Variants in CD226 observed in about 807,000 individuals in gnomAD.
CD226 encodes the protein CD226 molecule.
A neutral mutation model predicts 34.9 loss-of-function variants in CD226; 24 were observed. The observed-to-expected ratio is 0.69, with a 90% CI of 0.50 to 0.97. The LOEUF is 0.97. CD226 is among the 50% of genes least tolerant of loss of function. The pLI is 0.00. For missense variants in CD226, 397 were observed against 412.7 expected (o/e 0.96, Z 0.33); for synonymous variants, 148 against 147.4 (o/e 1.00, Z -0.03).
chr18:69,952,026 A>G (rs1242954486), upstream of CD226, among the ~76,000 whole-genome samples: 1 of 152,200 alleles, frequency 6.6e-6, no homozygotes, highest in Non-Finnish European at 1.5e-5. Flanking sequence ...AATCAACCTA[A>G]GTGCCCATCA....
rs540784584 is a variant in CD226, at chr18:69,937,947, CTT to C, written c.382+8785_382+8786del. On this transcript the variant is annotated intron_variant, in intron 2 of 5. Coordinates refer to ENST00000582621, the MANE Select transcript of CD226 (RefSeq NM_001303618.2). ...AGATATATACAAGAATGAAAGAAAA[CTT>C]TGGCTGCTATGTCAGCTGCTGGGAA... is the stretch of plus-strand genomic sequence containing the variant. 7.9e-5 allele frequency among the ~76,000 whole-genome samples: 12 copies of C among 152,246 alleles called. No homozygotes were observed. The South Asian group carries it at 1.9e-3, about 24-fold the overall frequency.
chr18:69,929,061 C>A (rs2055557745), intron 2 of CD226, among the ~76,000 whole-genome samples: 1 of 152,138 alleles, frequency 6.6e-6, no homozygotes, highest in Non-Finnish European at 1.5e-5. Flanking sequence ...TGGAAATGAC[C>A]AGAGCCAAAG....
chr18:69,872,294 A>G (rs1378768848), intron 4 of CD226, among the ~76,000 whole-genome samples: 1 of 152,220 alleles, frequency 6.6e-6, no homozygotes, highest in Non-Finnish European at 1.5e-5. Context: ...TACAGCAGAT[A>G]TGTAACAAAT....
rs186481580 is a variant in CD226 at position 69,855,461 on chromosome 18, A to G, written c.*8853T>C. The G allele has an allele frequency of 3.9e-5, 6 of 152,338 alleles. No individual in the cohort carries two copies. Among genetic ancestry groups the G allele is most frequent in the African/African-American group, 1.4e-4 (6 of 41,590 alleles). The allele number at this position is 152,338 out of a possible 1,614,324, so 9.4% of individuals were successfully genotyped here. ...GGCCAATAGAAACTTTTCAAACTAA[A>G]ATTCAAAGAGTGGGAAAAACCCAGA... On this transcript the variant is annotated 3_prime_UTR_variant, in exon 6 of 6. Coordinates refer to ENST00000582621, the MANE Select transcript of CD226 (RefSeq NM_001303618.2).
chr18:69,858,186 CAATTT>C lies in CD226; in HGVS notation c.*6123_*6127del, dbSNP rs951353608. On this transcript the variant is annotated 3_prime_UTR_variant, in exon 6 of 6. Transcript: ENST00000582621. ...TAACTGTATTTATTTGTTTTTTCAG[CAATTT>C]ATTTTAAAACAATCTTGGATATATT... 23 of 152,050 alleles carry C rather than the reference CAATTT, an allele frequency of 1.5e-4. No individual in the cohort carries two copies. The highest frequency in any genetic ancestry group is 5.6e-4 in the African/African-American group (23 of 41,394). 9.4% of individuals were successfully genotyped at this position (152,050 alleles called of 1,614,324 possible).
intron 2 of CD226, among the ~76,000 whole-genome samples, chr18:69,913,389 TA>T (rs2055349566): frequency 6.6e-6 from 1 of 152,232 alleles, no homozygotes; most frequent in East Asian, 1.9e-4. Flanking sequence ...TGGGATTATT[TA>T]AGCTTTTTAT....
intron 2 of CD226, among the ~76,000 whole-genome samples, chr18:69,944,161 G>A (rs147297782): frequency 1.1e-3 from 171 of 152,202 alleles, no homozygotes; most frequent in African/African-American, 4.0e-3. Flanking sequence ...TTAAAAAAGT[G>A]AAGCTCTCAA....
intron 2 of CD226, among the ~76,000 whole-genome samples, chr18:69,926,968 A>G (rs530502806): frequency 6.6e-6 from 1 of 152,018 alleles, no homozygotes; most frequent in Non-Finnish European, 1.5e-5. Flanking sequence ...ATTGTTAACA[A>G]TGAAATTTCC....
chr18:69,930,914 C>G (rs2055581397), intron 2 of CD226, among the ~76,000 whole-genome samples: 1 of 152,192 alleles, frequency 6.6e-6, no homozygotes, highest in Non-Finnish European at 1.5e-5. Flanking sequence ...GGACTATGAG[C>G]AGCACACAGT....
chr18:69,930,595 C>T lies in CD226; in HGVS notation c.382+16139G>A, dbSNP rs184967696. 6.0e-4 allele frequency among the ~76,000 whole-genome samples: 92 copies of T among 152,252 alleles called. 1 individual carries two copies. Among genetic ancestry groups the T allele is most frequent in the Middle Eastern group, 6.8e-3 (2 of 294 alleles). ...AATAGGTGTCAAAACCCAGGACCTA[C>T]CTGAAGTGAGAATTAAAAAGAAGAC... On this transcript the variant is annotated intron_variant, in intron 2 of 5. Transcript: ENST00000582621.
intron 2 of CD226, among the ~76,000 whole-genome samples, chr18:69,936,358 T>G (rs963074997): frequency 6.6e-6 from 1 of 152,230 alleles, no homozygotes; most frequent in Non-Finnish European, 1.5e-5. Context: ...AAAAACAACC[T>G]TGGCACACGT....
At chr18:69,938,691 C>T (rs1167591923) in intron 2 of CD226, among the ~76,000 whole-genome samples, 3 of 152,242 alleles carry the variant, frequency 2.0e-5, no homozygotes, top group African/African-American at 7.2e-5. Context: ...AAACTTACCT[C>T]TACCTGGCCC....
chr18:69,876,189 A>G (rs1983853110), intron 3 of CD226, among the ~76,000 whole-genome samples: 1 of 152,224 alleles, frequency 6.6e-6, no homozygotes, highest in Admixed American at 6.5e-5. Flanking sequence ...TCAGGCAAAT[A>G]CAGTACCAAA....
intron 2 of CD226, among the ~76,000 whole-genome samples, chr18:69,926,121 C>T (rs1050683020): frequency 3.3e-5 from 5 of 152,034 alleles, no homozygotes; most frequent in Middle Eastern, 3.4e-3. Context: ...CCAGACTGGG[C>T]GACAGAGTGA....
intron 1 of CD226, among the ~76,000 whole-genome samples, chr18:69,956,053 T>C (rs2055894969): frequency 6.6e-6 from 1 of 152,118 alleles, no homozygotes; most frequent in Admixed American, 6.5e-5. Flanking sequence ...GAGTGACCAG[T>C]AGAACCCCAC....
rs548279326 is a variant in CD226 at position 69,917,121 on chromosome 18, A to T, written c.383-21076T>A. ...GGCCTTGTCATAATTCTCTATATACATTACATAGTACAGCCAGAGTAATCT... is the reference window on the plus strand; with the variant it reads ...GGCCTTGTCATAATTCTCTATATACTTTACATAGTACAGCCAGAGTAATCT... On this transcript the variant is annotated intron_variant, in intron 2 of 5. Coordinates refer to ENST00000582621, the MANE Select transcript of CD226 (RefSeq NM_001303618.2). Among the ~76,000 whole-genome samples, 24 of 152,296 alleles carry T rather than the reference A, an allele frequency of 1.6e-4. No homozygotes were observed. The South Asian group carries it at 3.7e-3, about 24-fold the overall frequency.
chr18:69,923,724 C>A, intron 2 of CD226, among the ~76,000 whole-genome samples: 1 of 152,022 alleles, frequency 6.6e-6, no homozygotes, highest in South Asian at 2.1e-4. Flanking sequence ...GAGGCCGAGG[C>A]GGGCGGATCA....
intron 2 of CD226, among the ~76,000 whole-genome samples, chr18:69,909,585 G>A (rs2055299143): frequency 6.6e-6 from 1 of 152,174 alleles, no homozygotes; most frequent in South Asian, 2.1e-4. Context: ...AAACCAGTGT[G>A]AGTACAGCTA....
chr18:69,947,059 T>G lies in CD226; in HGVS notation c.57A>C (p.Glu19Asp). 1.2e-6 allele frequency: 2 copies of G among 1,612,930 alleles called. No homozygotes were observed. The highest frequency in any genetic ancestry group is 1.7e-6 in the Non-Finnish European group (2 of 1,178,992). ...GAACTGATGTATGCCAAAGCACCTC[T>G]TCACATAGAGCTGAAATATACAACA... is the stretch of plus-strand genomic sequence containing the variant. ...ALLHVYRALC[E>D]EVLWHTSVPF... is the part of the protein sequence containing the mutation. The change falls in exon 2 of 6, where the codon GAA becomes GAC. Residue 19 changes from glutamate (E) to aspartate (D), a missense_variant. Coordinates refer to ENST00000582621, the MANE Select transcript of CD226 (RefSeq NM_001303618.2).
Sources: allele counts gnomAD v4.1 joint callset (sites outside exome capture counted in the v4.1 genomes callset), GRCh38; gene constraint gnomAD v4.1.1; transcripts MANE v1.5; gene names NCBI Gene and HGNC (gene_info 2026-07-23, HGNC 2026-07-21).